ZBTB38: variants seen among roughly 807,000 people sequenced by gnomAD.
ZBTB38 encodes the protein zinc finger and BTB domain-containing protein 38.
In ZBTB38, 20 loss-of-function variants were observed where a neutral mutation model predicts 76.8. The observed-to-expected ratio is 0.26, with a 90% CI of 0.18 to 0.38. The LOEUF is 0.38. Among genes scored for constraint, ZBTB38 ranks in the 10% least tolerant of loss-of-function variants. ZBTB38 has a pLI of 1.00. For missense variants in ZBTB38, 1,082 were observed against 1,482.3 expected, an observed-to-expected ratio of 0.73 and a Z score of 4.43; for synonymous variants, 504 against 544.2, an observed-to-expected ratio of 0.93 and a Z score of 1.03.
intron 1 of ZBTB38, among the ~76,000 whole-genome samples, chr3:141,342,459 T>C (rs935182824): frequency 6.6e-6 from 1 of 150,820 alleles, no homozygotes; most frequent in African/African-American, 2.4e-5. Flanking sequence ...TTATTAATTA[T>C]ACTATTCTCT....
At chr3:141,426,499 G>A (rs2076417957) in intron 5 of ZBTB38, among the ~76,000 whole-genome samples, 1 of 152,172 alleles carries the variant, frequency 6.6e-6, no homozygotes, top group African/African-American at 2.4e-5. Flanking sequence ...ACCGTCTCCA[G>A]ATTAGCTCCT....
chr3:141,345,710 G>A (rs928617796), intron 1 of ZBTB38, among the ~76,000 whole-genome samples: 2 of 151,956 alleles, frequency 1.3e-5, no homozygotes, highest in Admixed American at 6.6e-5. Flanking sequence ...TGGTGCATGG[G>A]TGTGTGTGTG....
chr3:141,342,653 T>A lies in ZBTB38; in HGVS notation c.-739+18197T>A, dbSNP rs1943232192. ...GGGGATTTGAGGTGAGGCTGGAGAG[T>A]GGACACAAACCCTCGTGCAAGAAGT... On this transcript the variant is annotated intron_variant, in intron 1 of 7. Transcript: ENST00000509842. Among the ~76,000 whole-genome samples, 4 of 148,814 alleles carry A rather than the reference T, an allele frequency of 2.7e-5. No homozygotes were observed. The South Asian group carries it at 8.5e-4, about 32-fold the overall frequency.
At chr3:141,437,324 A>AGGAC (rs2079031246) in intron 5 of ZBTB38, among the ~76,000 whole-genome samples, 1 of 152,194 alleles carries the variant, frequency 6.6e-6, no homozygotes, top group African/African-American at 2.4e-5. Context: ...AGCAGGATCC[A>AGGAC]GTACATACCA....
chr3:141,342,708 C>A (rs1279066961), intron 1 of ZBTB38, among the ~76,000 whole-genome samples: 1 of 138,438 alleles, frequency 7.2e-6, no homozygotes, highest in African/African-American at 2.7e-5. Flanking sequence ...CTAGAGAGGG[C>A]AATAAGGTCC....
chr3:141,329,055 G>A lies in ZBTB38; in HGVS notation c.-739+4599G>A, dbSNP rs572094642. Among the ~76,000 whole-genome samples, 8 of 152,066 alleles carry A rather than the reference G, an allele frequency of 5.3e-5. No homozygotes were observed. In the South Asian group the frequency reaches 1.7e-3, roughly 32 times the overall value. Reference sequence around the variant, plus strand: ...CTCTCATTCTTTCATCCAATAATTGGCTAGTCTGAATACTACAAATACAAC... The same window carrying A: ...CTCTCATTCTTTCATCCAATAATTGACTAGTCTGAATACTACAAATACAAC... On this transcript the variant is annotated intron_variant, in intron 1 of 7. Transcript: ENST00000509842.
chr3:141,333,292 C>A (rs1281751944), intron 1 of ZBTB38, among the ~76,000 whole-genome samples: 2 of 152,140 alleles, frequency 1.3e-5, no homozygotes, highest in African/African-American at 4.8e-5. Flanking sequence ...CCTAGGACAG[C>A]AAGTCAGACT....
intron 4 of ZBTB38, chr3:141,402,498 G>A (rs978307626): frequency 6.7e-6 from 1 of 148,210 alleles, no homozygotes; most frequent in Non-Finnish European, 1.5e-5. Flanking sequence ...GGGGCGGGGC[G>A]AGGCGCGGCC....
intron 5 of ZBTB38, among the ~76,000 whole-genome samples, chr3:141,406,035 G>A (rs534670211): frequency 2.0e-5 from 3 of 152,268 alleles, no homozygotes; most frequent in Admixed American, 6.5e-5. Context: ...GTAGGAGATG[G>A]AGAAACTTGG....
rs771277447 is a variant in ZBTB38, at chr3:141,443,825, A to C, written c.1437A>C (p.Ala479=). 6.2e-7 allele frequency: 1 copy of C among 1,614,050 alleles called. No individual in the cohort carries two copies. The highest frequency in any genetic ancestry group is 2.2e-5 in the East Asian group (1 of 44,890). Residue 479 remains alanine (A), a synonymous_variant, in exon 6 of 6, where the codon GCA becomes GCC. Coordinates refer to ENST00000321464, the MANE Select transcript of ZBTB38 (RefSeq NM_001376113.1). This position sits in a 1 kb window ranked among gnomAD's most constrained non-coding sequence, Gnocchi z 5.6. ...CCTTATCTAGCCTCCGAAGACATGCAAATGTTCACTCCTGGAGAAGAACAT... is the reference window on the plus strand; with the variant it reads ...CCTTATCTAGCCTCCGAAGACATGCCAATGTTCACTCCTGGAGAAGAACAT... ...YVTLSSLRRH[A]NVHSWRRTYP... is the part of the protein sequence containing the mutation.
rs183335790 is a variant in ZBTB38 at position 141,426,419 on chromosome 3, G to C, written c.1-15970G>C. Among the ~76,000 whole-genome samples the C allele has an allele frequency of 1.6e-3, 244 of 152,316 alleles. 1 individual carries two copies. Among genetic ancestry groups the C allele is most frequent in the African/African-American group, 5.7e-3 (236 of 41,574 alleles). On this transcript the variant is annotated intron_variant, in intron 5 of 5. Transcript: ENST00000321464. ...CTTTTCCATCTACTATTCATTGCCT[G>C]ATGGGGGGCAAGTGCTGGGATGCAG...
chr3:141,334,616 C>T (rs539611260), intron 1 of ZBTB38, among the ~76,000 whole-genome samples: 5 of 152,188 alleles, frequency 3.3e-5, no homozygotes, highest in African/African-American at 1.2e-4. Flanking sequence ...TGTCCCTCTC[C>T]CCTTCTCGCA....
rs75233001 is a variant in ZBTB38 at position 141,405,438 on chromosome 3, A to T, written c.-1+1407A>T. On this transcript the variant is annotated intron_variant, in intron 5 of 5. Coordinates refer to ENST00000321464, the MANE Select transcript of ZBTB38 (RefSeq NM_001376113.1). ...CTTATAGAGGCCTTTTCATTTGTAC[A>T]TTTAACTCATAATCCAAGAAAAAGC... is the stretch of plus-strand genomic sequence containing the variant. Among the ~76,000 whole-genome samples, 295 of 152,282 alleles carry T rather than the reference A, an allele frequency of 1.9e-3. 2 individuals are homozygous for T. Among genetic ancestry groups the T allele is most frequent in the African/African-American group, 7.0e-3 (289 of 41,540 alleles).
rs2150979925 is a variant in ZBTB38 at position 141,443,349 on chromosome 3, G to A, written c.961G>A (p.Glu321Lys). ...TGAAGGAGATGTCCATTTTTCCAGG[G>A]AAGATGAAAATCAATCTTCTGATGT... ...NNEGDVHFSREDENQSSDVPG... is the reference protein window; with the variant it reads ...NNEGDVHFSRKDENQSSDVPG... Residue 321 changes from glutamate to lysine, a missense_variant, in exon 6 of 6, where the codon GAA becomes AAA. Around this residue, in one of 8 missense-constraint regions of ZBTB38, gnomAD observed 324 missense variants for 359.1 expected, o/e 0.90. Transcript: ENST00000321464. This position sits in a 1 kb window ranked among gnomAD's most constrained non-coding sequence, Gnocchi z 5.6. 6.2e-7 allele frequency: 1 copy of A among 1,614,138 alleles called. No individual in the cohort carries two copies.
At position 141,443,168 on chromosome 3, in the gene ZBTB38, G is replaced by A. The variant is rs748455361; in HGVS notation, c.780G>A (p.Pro260=). ...KENCEALAAK[P]KTCRKPKTFS... is the part of the protein sequence containing the mutation. ...ATTGTGAAGCCCTTGCAGCGAAACC[G>A]AAAACATGCCGGAAGCCAAAGACAT... The change falls in exon 6 of 6, where the codon CCG becomes CCA. Residue 260 remains proline (P), a synonymous_variant. Coordinates refer to ENST00000321464, the MANE Select transcript of ZBTB38 (RefSeq NM_001376113.1). This position sits in a 1 kb window ranked among gnomAD's most constrained non-coding sequence, Gnocchi z 5.6. 2.6e-5 allele frequency: 42 copies of A among 1,614,206 alleles called. No homozygotes were observed. The highest frequency in any genetic ancestry group is 2.1e-4 in the South Asian group (19 of 91,078).
chr3:141,429,356 G>A (rs1361680584), intron 5 of ZBTB38, among the ~76,000 whole-genome samples: 2 of 152,112 alleles, frequency 1.3e-5, no homozygotes, highest in Non-Finnish European at 2.9e-5. Context: ...GATGGCGGCA[G>A]GTTGCCTTTT....
chr3:141,374,568 C>G (rs765018992), intron 2 of ZBTB38, among the ~76,000 whole-genome samples: 1 of 152,006 alleles, frequency 6.6e-6, no homozygotes, highest in Admixed American at 6.6e-5. Flanking sequence ...CACCCCAACC[C>G]CACCCCATTC....
chr3:141,409,827 T>G (rs1207231019), intron 5 of ZBTB38, among the ~76,000 whole-genome samples: 1 of 152,214 alleles, frequency 6.6e-6, no homozygotes, highest in Non-Finnish European at 1.5e-5. Context: ...TTAAAACTGC[T>G]CCTTGGGGGA....
At chr3:141,399,125 T>C (rs903283904) in intron 4 of ZBTB38, among the ~76,000 whole-genome samples, 30 of 112,550 alleles carry the variant, frequency 2.7e-4, no homozygotes, top group African/African-American at 1.6e-3. Context: ...AGATTTATAT[T>C]CCTTTTTTTT....
Sources: allele counts gnomAD v4.1 joint callset (sites outside exome capture counted in the v4.1 genomes callset), GRCh38; gene constraint gnomAD v4.1.1; regional missense constraint gnomAD v4.1.1; non-coding constraint Gnocchi (gnomAD v3.1); transcripts MANE v1.5; gene names NCBI Gene and HGNC (gene_info 2026-07-23, HGNC 2026-07-21).